CDH4: variants seen among roughly 807,000 people sequenced by gnomAD.
CDH4 encodes cadherin-4.
In CDH4, 33 loss-of-function variants were observed where a neutral mutation model predicts 86.0. The observed-to-expected ratio is 0.38, with a 90% CI of 0.29 to 0.51. CDH4 has a LOEUF of 0.51. CDH4 is among the 20% of genes least tolerant of loss of function. CDH4 has a pLI of 0.86. For missense variants in CDH4, 1,114 were observed against 1,307.4 expected (o/e 0.85, Z 2.28); for synonymous variants, 555 against 549.4 (o/e 1.01, Z -0.14).
intron 2 of CDH4, among the ~76,000 whole-genome samples, chr20:61,460,358 G>A (rs2085434953): frequency 6.6e-6 from 1 of 152,206 alleles, no homozygotes; most frequent in South Asian, 2.1e-4. Context: ...GTATGCCCAG[G>A]TGATCTGAGG....
intron 2 of CDH4, among the ~76,000 whole-genome samples, chr20:61,344,045 A>T (rs1348847119): frequency 1.3e-5 from 2 of 152,156 alleles, no homozygotes; most frequent in African/African-American, 4.8e-5. Context: ...TTGAGCAAAG[A>T]CATAGGAGCG....
At chr20:61,336,419 AACCACC>A (rs1022969560) in intron 2 of CDH4, among the ~76,000 whole-genome samples, 1 of 151,954 alleles carries the variant, frequency 6.6e-6, no homozygotes, top group Non-Finnish European at 1.5e-5. Context: ...CCTCCACCAC[AACCACC>A]ACCACCACCA....
intron 2 of CDH4, among the ~76,000 whole-genome samples, chr20:61,458,838 A>G (rs1257416940): frequency 6.6e-6 from 1 of 151,896 alleles, no homozygotes; most frequent in Admixed American, 6.6e-5. Context: ...CAGTGGAACG[A>G]TCCCTCAGTC....
chr20:61,579,285 A>ATTTT (rs11483950), intron 2 of CDH4, among the ~76,000 whole-genome samples: 2 of 129,564 alleles, frequency 1.5e-5, no homozygotes, highest in Admixed American at 8.1e-5. Context: ...CTCGATGGAG[A>ATTTT]TTTTTTTTTT....
rs897936454 is a variant in CDH4 at position 61,754,363 on chromosome 20, C to G, written c.396+10574C>G. On this transcript the variant is annotated intron_variant, in intron 3 of 15. Transcript: ENST00000614565. The surrounding 1 kb of genome is among the most constrained non-coding windows in gnomAD (Gnocchi z 4.7). ...GGGTCCCGCCCAGGGCTCCAAATACCCCTGAATCCTCTTGATGCAGCCACT... is the reference window on the plus strand; with the variant it reads ...GGGTCCCGCCCAGGGCTCCAAATACGCCTGAATCCTCTTGATGCAGCCACT... Among the ~76,000 whole-genome samples the G allele has an allele frequency of 5.3e-5, 8 of 152,098 alleles. No homozygotes were observed. The highest frequency in any genetic ancestry group is 8.8e-5 in the Non-Finnish European group (6 of 67,986).
intron 2 of CDH4, among the ~76,000 whole-genome samples, chr20:61,443,896 CTG>C (rs1226427620): frequency 3.3e-5 from 5 of 149,268 alleles, no homozygotes; most frequent in Non-Finnish European, 4.5e-5. Context: ...GTGTATGTGT[CTG>C]TGTGTGTGTA....
At position 61,392,699 on chromosome 20, in the gene CDH4, AC is replaced by A. The variant is rs1449528081; in HGVS notation, c.169+137763del. 6.6e-6 allele frequency among the ~76,000 whole-genome samples: 1 copy of A among 152,200 alleles called. No homozygotes were observed. The highest frequency in any genetic ancestry group is 1.9e-4 in the East Asian group (1 of 5,182). ...GGGTTCTCATCTTCTGATTCAAAAG[AC>A]ATTTTCCCGTGCTGTTAAATTTGAA... is the stretch of plus-strand genomic sequence containing the variant. On this transcript the variant is annotated intron_variant, in intron 2 of 15. Coordinates refer to ENST00000614565, the MANE Select transcript of CDH4 (RefSeq NM_001794.5). This position sits in a 1 kb window ranked among gnomAD's most constrained non-coding sequence, Gnocchi z 5.7.
chr20:61,433,928 T>C (rs571120729), intron 2 of CDH4, among the ~76,000 whole-genome samples: 13 of 152,336 alleles, frequency 8.5e-5, no homozygotes, highest in Admixed American at 2.0e-4. Context: ...GATTGAAGTC[T>C]AAAGCCAGCT....
chr20:61,886,217 C>T (rs1377342862), intron 7 of CDH4, among the ~76,000 whole-genome samples: 2 of 152,216 alleles, frequency 1.3e-5, no homozygotes, highest in African/African-American at 2.4e-5. Flanking sequence ...ATCTGAGTTC[C>T]AGGCGTGGCT....
At chr20:61,379,802 G>A (rs78967621) in intron 2 of CDH4, among the ~76,000 whole-genome samples, 170 of 152,196 alleles carry the variant, frequency 1.1e-3, no homozygotes, top group African/African-American at 3.8e-3. Context: ...TTCAATTCCC[G>A]CTGCAAGTTT....
intron 3 of CDH4, among the ~76,000 whole-genome samples, chr20:61,753,171 C>T (rs895586817): frequency 6.6e-6 from 1 of 152,076 alleles, no homozygotes; most frequent in Non-Finnish European, 1.5e-5. Flanking sequence ...CGCTGGGAGT[C>T]CCAGGGCAGT....
chr20:61,336,205 A>G (rs1371497587), intron 2 of CDH4, among the ~76,000 whole-genome samples: 2 of 152,164 alleles, frequency 1.3e-5, no homozygotes, highest in Admixed American at 6.5e-5. Flanking sequence ...CTTGGCTGCT[A>G]TGAGACCATG....
chr20:61,827,005 GTGTGTA>G lies in CDH4; in HGVS notation c.577-17657_577-17652del, dbSNP rs1225838896. ...TGTGTGTGTGTGTGTGTGTGTGTGT[GTGTGTA>G]TGTGTTTCCTTATTGTAAAAAAAGA... On this transcript the variant is annotated intron_variant, in intron 4 of 15. Coordinates refer to ENST00000614565, the MANE Select transcript of CDH4 (RefSeq NM_001794.5). Among the ~76,000 whole-genome samples, 16 of 113,468 alleles carry G rather than the reference GTGTGTA, an allele frequency of 1.4e-4. No homozygotes were observed. The East Asian group carries it at 2.0e-3, about 14-fold the overall frequency. The allele number at this position is 113,468 out of a possible 152,430, so 74.4% of individuals were successfully genotyped here.
intron 2 of CDH4, among the ~76,000 whole-genome samples, chr20:61,348,711 T>G (rs529843841): frequency 6.6e-6 from 1 of 152,200 alleles, no homozygotes; most frequent in Non-Finnish European, 1.5e-5. Context: ...GGTGGACGAG[T>G]GGGCAGAAGT....
At chr20:61,743,396 G>T (rs573476034) in intron 2 of CDH4, among the ~76,000 whole-genome samples, 167 bp from the exon 3 acceptor site, 1 of 152,294 alleles carries the variant, frequency 6.6e-6, no homozygotes, top group African/African-American at 2.4e-5. Context: ...ATTCTCTAGG[G>T]GGTTGAGATA....
chr20:61,858,375 CTGTA>C (rs1394829639), intron 6 of CDH4, among the ~76,000 whole-genome samples: 1 of 139,802 alleles, frequency 7.2e-6, no homozygotes, highest in Non-Finnish European at 1.5e-5. Flanking sequence ...GTCTCTGTGT[CTGTA>C]TGTGTATCTG....
intron 2 of CDH4, among the ~76,000 whole-genome samples, chr20:61,618,489 G>A (rs919098464): frequency 1.3e-5 from 2 of 152,162 alleles, no homozygotes; most frequent in African/African-American, 4.8e-5. Flanking sequence ...AGAGATGCCC[G>A]GGGGCAGGAG....
At chr20:61,456,603 G>A (rs372134371) in intron 2 of CDH4, among the ~76,000 whole-genome samples, 99 of 152,304 alleles carry the variant, frequency 6.5e-4, no homozygotes, top group African/African-American at 2.2e-3. Context: ...TGCTGAAGGT[G>A]AGGAGCTATA....
chr20:61,770,740 G>A (rs998986789), intron 3 of CDH4, among the ~76,000 whole-genome samples: 11 of 152,108 alleles, frequency 7.2e-5, no homozygotes, highest in South Asian at 4.2e-4. Context: ...AAAATTAGCC[G>A]GGCGTGGTGG....
Sources: gnomAD v4.1 joint callset for allele counts (sites outside exome capture counted in the v4.1 genomes callset) on GRCh38, gnomAD v4.1.1 for gene constraint, Gnocchi (gnomAD v3.1) non-coding constraint, MANE v1.5 for transcripts, NCBI Gene and HGNC (gene_info 2026-07-23, HGNC 2026-07-21) for gene names.